Variants in AGPS observed in about 807,000 individuals in gnomAD.
AGPS encodes alkylglycerone phosphate synthase.
Under a neutral mutation model 90.7 loss-of-function variants are expected in AGPS, and 26 were observed. The observed-to-expected ratio is 0.29, with a 90% CI of 0.21 to 0.40. The LOEUF (loss-of-function observed/expected upper bound fraction) is 0.40. Among genes scored for constraint, AGPS ranks in the 10% least tolerant of loss-of-function variants. The pLI, the probability that AGPS is intolerant of heterozygous loss-of-function variation, is 1.00. For missense variants in AGPS, 540 were observed against 816.1 expected, an observed-to-expected ratio of 0.66 and a Z score of 4.12; for synonymous variants, 294 against 285.3, an observed-to-expected ratio of 1.03 and a Z score of -0.31.
intron 11 of AGPS, among the ~76,000 whole-genome samples, chr2:177,488,624 TATG>T (rs1226228971): frequency 6.6e-6 from 1 of 152,204 alleles, no homozygotes; most frequent in Non-Finnish European, 1.5e-5. Context: ...TGTTGCATAT[TATG>T]ATAATTTTTT....
chr2:177,505,054 C>A (rs1477718462), intron 14 of AGPS, among the ~76,000 whole-genome samples: 1 of 151,980 alleles, frequency 6.6e-6, no homozygotes, highest in East Asian at 1.9e-4. Flanking sequence ...TATGTTTTGT[C>A]TCTCATTTAA....
At chr2:177,406,847 A>G (rs540144760) in intron 1 of AGPS, among the ~76,000 whole-genome samples, 3 of 152,308 alleles carry the variant, frequency 2.0e-5, no homozygotes, top group East Asian at 3.9e-4. Context: ...TGCTTATTAG[A>G]TGGGAAAATC....
intron 8 of AGPS, among the ~76,000 whole-genome samples, chr2:177,457,737 T>A (rs1687162903): frequency 6.6e-6 from 1 of 152,198 alleles, no homozygotes; most frequent in South Asian, 2.1e-4. Context: ...GATTCACAGC[T>A]GAATTCTACC....
chr2:177,498,330 C>T (rs1320455020), intron 13 of AGPS, among the ~76,000 whole-genome samples: 6 of 151,038 alleles, frequency 4.0e-5, no homozygotes, highest in Admixed American at 3.3e-4. Context: ...TTATTTTTGC[C>T]AGGTGGTGGT....
In AGPS at chr2:177,540,061, ATG is replaced by A. The variant is rs1491154667; in HGVS notation, c.*1878_*1879del. ...TATATATATATATATATATGTATGC[ATG>A]TGTGTGTGTGTATATATATATATAT... On this transcript the variant is annotated 3_prime_UTR_variant, in exon 20 of 20. Transcript: ENST00000264167. 9 of 142,958 alleles carry A rather than the reference ATG, an allele frequency of 6.3e-5. No homozygotes were observed. Among genetic ancestry groups the A allele is most frequent in the Admixed American group, 2.1e-4 (3 of 14,410 alleles). The allele number at this position is 142,958 out of a possible 1,614,324, so 8.9% of individuals were successfully genotyped here. A position where few individuals can be genotyped will look rare whatever the true frequency, so the allele number is the denominator to read the frequency against.
intron 7 of AGPS, 85 bp downstream of exon 7, chr2:177,442,571 G>A (rs922967031): frequency 8.8e-7 from 1 of 1,136,168 alleles, no homozygotes. Context: ...TAGCCACTGG[G>A]CGCTGTGGCT....
chr2:177,464,382 G>C (rs1687386668), intron 9 of AGPS, among the ~76,000 whole-genome samples: 1 of 152,124 alleles, frequency 6.6e-6, no homozygotes, highest in Non-Finnish European at 1.5e-5. Flanking sequence ...AATGGAACCT[G>C]TGAAAAAATT....
intron 1 of AGPS, among the ~76,000 whole-genome samples, chr2:177,410,905 C>T (rs2105597965): frequency 1.3e-5 from 2 of 152,264 alleles, no homozygotes; most frequent in Middle Eastern, 3.4e-3. Flanking sequence ...ATTCCCTTGA[C>T]ATAAGGGGCA....
rs1685194811 is a variant in AGPS at position 177,396,950 on chromosome 2, T to TTTTTTC, written c.260+3906_260+3907insCTTTTT. 6.0e-5 allele frequency among the ~76,000 whole-genome samples: 9 copies of TTTTTTC among 151,034 alleles called. No homozygotes were observed. The South Asian group carries it at 1.9e-3, about 32-fold the overall frequency. On this transcript the variant is annotated intron_variant, in intron 1 of 19. Coordinates refer to ENST00000264167, the MANE Select transcript of AGPS (RefSeq NM_003659.4). ...TTACTTCTTTTTCTTTTCTTTTTTT[T>TTTTTTC]TTTTTTGCTATGGAGTCTTGCTCTG... is the stretch of plus-strand genomic sequence containing the variant.
chr2:177,494,684 TC>T (rs1228758130), intron 12 of AGPS, among the ~76,000 whole-genome samples: 3 of 152,200 alleles, frequency 2.0e-5, no homozygotes, highest in Admixed American at 6.5e-5. Context: ...ACTTACTTGC[TC>T]CCCTCTAGCT....
At position 177,505,413 on chromosome 2, in the gene AGPS, A is replaced by T. The variant is rs554513653; in HGVS notation, c.1476-93A>T. The T allele has an allele frequency of 1.1e-5, 12 of 1,117,686 alleles. 1 individual carries two copies. The highest frequency in any genetic ancestry group is 6.2e-5 in the African/African-American group (4 of 64,272). 69.2% of individuals were successfully genotyped at this position (1,117,686 alleles called of 1,614,324 possible). A position where few individuals can be genotyped will look rare whatever the true frequency, so the allele number is the denominator to read the frequency against. Reference sequence around the variant, plus strand: ...TTAAAAGTGTTTTCAGATTTTTGTTATTCAAACTTATTCTCTTGACAGCTT... The same window carrying T: ...TTAAAAGTGTTTTCAGATTTTTGTTTTTCAAACTTATTCTCTTGACAGCTT... On this transcript the variant is annotated intron_variant, in intron 14 of 19. Coordinates refer to ENST00000264167, the MANE Select transcript of AGPS (RefSeq NM_003659.4).
intron 8 of AGPS, among the ~76,000 whole-genome samples, chr2:177,459,677 G>GT (rs1687228333): frequency 1.3e-5 from 2 of 152,200 alleles, no homozygotes; most frequent in Non-Finnish European, 2.9e-5. Flanking sequence ...AACATATGCT[G>GT]GAGAGGTTGT....
At chr2:177,521,696 ATGGTGGT>A (rs1288168382) in intron 18 of AGPS, among the ~76,000 whole-genome samples, 1 of 152,164 alleles carries the variant, frequency 6.6e-6, no homozygotes, top group East Asian at 1.9e-4. Context: ...TCATTTCCAC[ATGGTGGT>A]TGCTGTTGAG....
At chr2:177,478,337 G>A (rs924518326) in intron 10 of AGPS, among the ~76,000 whole-genome samples, 7 of 152,032 alleles carry the variant, frequency 4.6e-5, no homozygotes, top group African/African-American at 1.7e-4. Context: ...GGATATCTTT[G>A]TGTTGCTCCT....
chr2:177,536,660 T>G (rs1234374120), intron 19 of AGPS, among the ~76,000 whole-genome samples: 1 of 152,156 alleles, frequency 6.6e-6, no homozygotes, highest in Non-Finnish European at 1.5e-5. Flanking sequence ...CTTCTGGTTT[T>G]AGAGCTATCT....
At chr2:177,495,389 T>A (rs1233156484) in intron 12 of AGPS, among the ~76,000 whole-genome samples, 1 of 152,308 alleles carries the variant, frequency 6.6e-6, no homozygotes, top group East Asian at 1.9e-4. Context: ...CAAAGACTCA[T>A]TATTTTGACT....
At chr2:177,401,967 G>A (rs958665869) in intron 1 of AGPS, among the ~76,000 whole-genome samples, 4 of 152,090 alleles carry the variant, frequency 2.6e-5, no homozygotes, top group Non-Finnish European at 5.9e-5. Flanking sequence ...CATTAAACAA[G>A]TATTTATTGG....
intron 11 of AGPS, among the ~76,000 whole-genome samples, chr2:177,485,228 CAT>C (rs986449947): frequency 1.3e-5 from 2 of 152,176 alleles, no homozygotes; most frequent in African/African-American, 4.8e-5. Flanking sequence ...TTAGTACACT[CAT>C]AAAGCTTTTG....
chr2:177,498,360 G>A (rs993048294), intron 13 of AGPS, among the ~76,000 whole-genome samples: 2 of 151,264 alleles, frequency 1.3e-5, no homozygotes, highest in African/African-American at 2.4e-5. Context: ...GCAGCTTCAT[G>A]TTTTTTTCTT....
Sources: gnomAD v4.1 joint callset for allele counts (sites outside exome capture counted in the v4.1 genomes callset) on GRCh38, gnomAD v4.1.1 for gene constraint, MANE v1.5 for transcripts, NCBI Gene and HGNC (gene_info 2026-07-23, HGNC 2026-07-21) for gene names.